Variants in HADHA observed in about 807,000 individuals in gnomAD.
HADHA encodes the protein trifunctional enzyme subunit alpha, mitochondrial.
In HADHA, 59 loss-of-function variants were observed where a neutral mutation model predicts 91.3. That is an observed-to-expected ratio of 0.65 (90% CI 0.52 to 0.80). HADHA has a LOEUF of 0.80. HADHA is among the 30% of genes least tolerant of loss of function. The pLI is 0.00. For synonymous variants in HADHA, 320 were observed against 338.9 expected (o/e 0.94, Z 0.61); for missense variants, 800 against 927.6 (o/e 0.86, Z 1.79).
chr2:26,191,180 A>G lies in HADHA; in HGVS notation c.*70T>C. 6.9e-7 allele frequency: 1 copy of G among 1,457,736 alleles called. No homozygotes were observed. Among genetic ancestry groups the G allele is most frequent in the Non-Finnish European group, 9.6e-7 (1 of 1,039,686 alleles). 90.3% of individuals were successfully genotyped at this position (1,457,736 alleles called of 1,614,324 possible). A position where few individuals can be genotyped will look rare whatever the true frequency, so the allele number is the denominator to read the frequency against. ...CGTTACTCTGATAAATCTAGACACC[A>G]CTCTGTTGGAGAACCAGCACTGCCG... is the stretch of plus-strand genomic sequence containing the variant. On this transcript the variant is annotated 3_prime_UTR_variant, in exon 20 of 20. Transcript: ENST00000380649.
rs1057516991 is a variant in HADHA, at chr2:26,195,121, TG to T, written c.1590del (p.Lys531SerfsTer24). The T allele has an allele frequency of 6.2e-7, 1 of 1,613,318 alleles. No individual in the cohort carries two copies. The highest frequency in any genetic ancestry group is 2.2e-5 in the East Asian group (1 of 44,874). The stretch of plus-strand genomic sequence containing the variant: ...ACCACAATGATGACCTTCCCCTGCT[TG>T]AGACCAACTGCTACAGCTGAAGCAC... ...DTSASAVAVG[L>X]KQGKVIIVVK... is the part of the protein sequence containing the mutation. On this transcript the variant is annotated frameshift_variant, in exon 15 of 20. Transcript: ENST00000380649. LOFTEE classifies it high-confidence loss of function.
intron 12 of HADHA, 151 bp downstream of exon 12, chr2:26,203,911 A>T: frequency 2.6e-6 from 2 of 783,172 alleles, no homozygotes; most frequent in Non-Finnish European, 4.4e-6. Context: ...TGGCTTCACT[A>T]CGGAGTATCT....
intron 9 of HADHA, among the ~76,000 whole-genome samples, chr2:26,213,359 C>G (rs535164952): frequency 6.6e-6 from 1 of 152,238 alleles, no homozygotes; most frequent in African/African-American, 2.4e-5. Flanking sequence ...CCATTTTTAC[C>G]CACTACCATG....
At position 26,214,453 on chromosome 2, in the gene HADHA, T is replaced by G. The variant is rs779717619; in HGVS notation, c.908A>C (p.Lys303Thr). 2.0e-6 allele frequency: 3 copies of G among 1,492,798 alleles called. No homozygotes were observed. The highest frequency in any genetic ancestry group is 1.4e-5 in the African/African-American group (1 of 72,556). 92.5% of individuals were successfully genotyped at this position (1,492,798 alleles called of 1,614,324 possible). A position where few individuals can be genotyped will look rare whatever the true frequency, so the allele number is the denominator to read the frequency against. ...TTGGGTAAGACTCACATCAATTATT[T>G]TCAGAGGTGCAGGATAAAGGCCTTT... ...QTKGLYPAPL[K>T]IIDVVKTGIE... The change falls in exon 9 of 20, where the codon AAA becomes ACA. Residue 303 changes from lysine (K) to threonine (T), a missense_variant. Lys to Thr is a moderately conservative substitution (Grantham distance 78). Coordinates refer to ENST00000380649, the MANE Select transcript of HADHA (RefSeq NM_000182.5). This position sits in a 1 kb window ranked among gnomAD's most constrained non-coding sequence, Gnocchi z 4.1.
At chr2:26,213,023 C>T (rs1049866676) in intron 9 of HADHA, among the ~76,000 whole-genome samples, 9 of 152,158 alleles carry the variant, frequency 5.9e-5, no homozygotes, top group Non-Finnish European at 1.0e-4. Flanking sequence ...GGGGTAAGTA[C>T]TATCCTAAGT....
Position 26,214,674 on chromosome 2 carries a change from T to C in HADHA, c.800-113A>G. 1 of 716,860 alleles carries C rather than the reference T, an allele frequency of 1.4e-6. No individual in the cohort carries two copies. Among genetic ancestry groups the C allele is most frequent in the Admixed American group, 2.1e-5 (1 of 48,310 alleles). The allele number at this position is 716,860 out of a possible 1,614,324, so 44.4% of individuals were successfully genotyped here. On this transcript the variant is annotated intron_variant, in intron 8 of 19. Transcript: ENST00000380649. The surrounding 1 kb of genome is among the most constrained non-coding windows in gnomAD (Gnocchi z 4.1). ...AATTCTAGCTATCTGCAAGAACTGC[T>C]CTTTATTCTGATACACACAATATAA...
At chr2:26,222,177 CAA>C (rs1166888229) in intron 7 of HADHA, among the ~76,000 whole-genome samples, 3 of 152,150 alleles carry the variant, frequency 2.0e-5, no homozygotes, top group Admixed American at 6.5e-5. Context: ...TTTGGAAACA[CAA>C]AAGAGATGCC....
In HADHA at chr2:26,190,803, C is replaced by T. The variant is rs1574599559; in HGVS notation, c.*447G>A. ...AATTCTGCACACACATTCTTACTCCCCCAAAGCACAGGGCTTTCTTCCAGA... is the reference window on the plus strand; with the variant it reads ...AATTCTGCACACACATTCTTACTCCTCCAAAGCACAGGGCTTTCTTCCAGA... On this transcript the variant is annotated 3_prime_UTR_variant, in exon 20 of 20. Transcript: ENST00000380649. 3.7e-6 allele frequency: 1 copy of T among 273,620 alleles called. No homozygotes were observed. Among genetic ancestry groups the T allele is most frequent in the East Asian group, 9.4e-5 (1 of 10,682 alleles). 16.9% of individuals were successfully genotyped at this position (273,620 alleles called of 1,614,324 possible). A position where few individuals can be genotyped will look rare whatever the true frequency, so the allele number is the denominator to read the frequency against.
intron 11 of HADHA, among the ~76,000 whole-genome samples, chr2:26,205,072 A>C (rs1669939957): frequency 6.6e-6 from 1 of 152,152 alleles, no homozygotes; most frequent in African/African-American, 2.4e-5. Context: ...ACCCCAGAGT[A>C]TCCTGGAATG....
At chr2:26,199,242 C>A (rs1293680580) in intron 13 of HADHA, 1 of 152,360 alleles carries the variant, frequency 6.6e-6, no homozygotes, top group African/African-American at 2.4e-5. Flanking sequence ...GTGGTACATA[C>A]CCATAGTCCT....
intron 1 of HADHA, among the ~76,000 whole-genome samples, chr2:26,241,700 T>C (rs1670896236): frequency 6.6e-6 from 1 of 151,852 alleles, no homozygotes. Flanking sequence ...TCTATTAAGG[T>C]ATTTGCCTCT....
intron 3 of HADHA, among the ~76,000 whole-genome samples, chr2:26,237,511 C>T (rs1670791028): frequency 1.3e-5 from 2 of 152,066 alleles, no homozygotes; most frequent in South Asian, 4.2e-4. Context: ...CCTATAGTCC[C>T]AGCTACTCAG....
chr2:26,199,598 C>T (rs542826623), intron 13 of HADHA, among the ~76,000 whole-genome samples: 11 of 152,282 alleles, frequency 7.2e-5, no homozygotes, highest in South Asian at 2.1e-4. Flanking sequence ...TTTCCCTTCT[C>T]CTTGAATCTG....
intron 7 of HADHA, among the ~76,000 whole-genome samples, chr2:26,227,770 GGCCA>G (rs1240776030): frequency 2.6e-5 from 4 of 151,890 alleles, no homozygotes; most frequent in African/African-American, 7.3e-5. Context: ...AGGAGTCTGA[GGCCA>G]GCCTGGGTGA....
chr2:26,219,494 C>T (rs982334572), intron 7 of HADHA, among the ~76,000 whole-genome samples: 1 of 152,170 alleles, frequency 6.6e-6, no homozygotes, highest in African/African-American at 2.4e-5. Flanking sequence ...ACAGGTCACC[C>T]TGGAAGGGTT....
At chr2:26,219,011 A>AG in intron 7 of HADHA, among the ~76,000 whole-genome samples, 1 of 149,988 alleles carries the variant, frequency 6.7e-6, no homozygotes, top group Non-Finnish European at 1.5e-5. Context: ...CGTCTCAAAA[A>AG]AAAAAAAAAA....
chr2:26,225,379 C>A (rs1268290934), intron 7 of HADHA, among the ~76,000 whole-genome samples: 1 of 125,580 alleles, frequency 8.0e-6, no homozygotes, highest in Non-Finnish European at 1.6e-5. Flanking sequence ...AGCCTGGCGA[C>A]AGGGTGAGAC....
intron 3 of HADHA, among the ~76,000 whole-genome samples, chr2:26,238,621 C>A (rs1436287840): frequency 6.6e-6 from 1 of 152,136 alleles, no homozygotes; most frequent in Non-Finnish European, 1.5e-5. Flanking sequence ...GATGGGTAGG[C>A]AAATTTTGAG....
chr2:26,226,445 T>C (rs1670487252), intron 7 of HADHA, among the ~76,000 whole-genome samples: 1 of 152,046 alleles, frequency 6.6e-6, no homozygotes, highest in Non-Finnish European at 1.5e-5. Context: ...AATACAATAA[T>C]CAAGACAGTG....
Sources: allele counts gnomAD v4.1 joint callset (sites outside exome capture counted in the v4.1 genomes callset), GRCh38; gene constraint gnomAD v4.1.1; non-coding constraint Gnocchi (gnomAD v3.1); transcripts MANE v1.5; gene names NCBI Gene and HGNC (gene_info 2026-07-23, HGNC 2026-07-21).